Variants in GUCY1A2 observed in about 807,000 individuals in gnomAD.
The protein encoded by GUCY1A2 is guanylate cyclase soluble subunit alpha-2.
Under a neutral mutation model 63.5 loss-of-function variants are expected in GUCY1A2, and 27 were observed. The observed-to-expected ratio is 0.43, with a 90% CI of 0.31 to 0.59. The LOEUF (loss-of-function observed/expected upper bound fraction) is 0.59, where lower values mean the gene tolerates loss of function less well. GUCY1A2 is among the 20% of genes least tolerant of loss of function. The pLI is 0.11. For synonymous variants in GUCY1A2, 364 were observed against 343.5 expected (o/e 1.06, Z -0.66); for missense variants, 768 against 913.3 (o/e 0.84, Z 2.05).
At chr11:106,710,784 T>C (rs1863103561) in intron 6 of GUCY1A2, among the ~76,000 whole-genome samples, 1 of 151,946 alleles carries the variant, frequency 6.6e-6, no homozygotes, top group Non-Finnish European at 1.5e-5. Context: ...GATGATATCC[T>C]TAGTTCTAGG....
chr11:106,904,898 A>AG (rs1860183452), intron 4 of GUCY1A2, among the ~76,000 whole-genome samples: 1 of 152,096 alleles, frequency 6.6e-6, no homozygotes, highest in Non-Finnish European at 1.5e-5. Flanking sequence ...GACTCTTGAA[A>AG]TGACTCCTGC....
intron 5 of GUCY1A2, among the ~76,000 whole-genome samples, chr11:106,792,188 C>G (rs1180947287): frequency 6.6e-6 from 1 of 152,000 alleles, no homozygotes; most frequent in Non-Finnish European, 1.5e-5. Flanking sequence ...GAGTTCGAGA[C>G]CAGCTTGGCC....
intron 3 of GUCY1A2, among the ~76,000 whole-genome samples, chr11:106,974,140 A>G (rs527903867): frequency 1.1e-3 from 160 of 152,168 alleles, no homozygotes; most frequent in African/African-American, 3.6e-3. Context: ...CCTTAATTCC[A>G]ATTCATTCTA....
intron 4 of GUCY1A2, among the ~76,000 whole-genome samples, chr11:106,896,934 A>G (rs938154173): frequency 6.6e-6 from 1 of 152,228 alleles, no homozygotes; most frequent in Non-Finnish European, 1.5e-5. Context: ...GATCACATGA[A>G]TATCTATGTA....
rs541896696 is a variant in GUCY1A2, at chr11:106,688,083, G to A, written c.1992-327C>T. ...TTGTTTTCCCTAAACAAATGCCCAA[G>A]GAAACTTCATAATACAGGTTTTATT... On this transcript the variant is annotated intron_variant, in intron 7 of 7. Transcript: ENST00000526355. Among the ~76,000 whole-genome samples, 89 of 152,238 alleles carry A rather than the reference G, an allele frequency of 5.8e-4. No individual in the cohort carries two copies. In the Middle Eastern group the frequency reaches 0.02, roughly 35 times the overall value.
chr11:106,957,515 T>C (rs1449742479), intron 3 of GUCY1A2, among the ~76,000 whole-genome samples: 1 of 151,852 alleles, frequency 6.6e-6, no homozygotes, highest in Non-Finnish European at 1.5e-5. Context: ...CACCACCGCC[T>C]CCTTTGGCTT....
chr11:106,976,733 CT>C (rs903039778), intron 3 of GUCY1A2, among the ~76,000 whole-genome samples: 1 of 152,024 alleles, frequency 6.6e-6, no homozygotes, highest in African/African-American at 2.4e-5. Flanking sequence ...CCTAGTATCT[CT>C]TTTGTAGAAA....
chr11:106,679,058 T>C lies in GUCY1A2; in HGVS notation c.*8491A>G, dbSNP rs1862390533. Reference sequence around the variant, plus strand: ...GAAAACTTTCAAAAGTCTCTGACATTCTAAGTTTTGGATATGAGTGAGTTG... The same window carrying C: ...GAAAACTTTCAAAAGTCTCTGACATCCTAAGTTTTGGATATGAGTGAGTTG... On this transcript the variant is annotated 3_prime_UTR_variant, in exon 8 of 8. Transcript: ENST00000526355. 1 of 186,974 alleles carries C rather than the reference T, an allele frequency of 5.3e-6. No individual in the cohort carries two copies. Among genetic ancestry groups the C allele is most frequent in the South Asian group, 1.9e-4 (1 of 5,158 alleles). The allele number at this position is 186,974 out of a possible 1,614,324, so 11.6% of individuals were successfully genotyped here. A position where few individuals can be genotyped will look rare whatever the true frequency, so the allele number is the denominator to read the frequency against.
At chr11:106,909,353 A>ATGTGTGTGTGTGTGTGTGTGTGTG (rs1565328453) in intron 4 of GUCY1A2, among the ~76,000 whole-genome samples, 1 of 27,816 alleles carries the variant, frequency 3.6e-5, no homozygotes, top group Non-Finnish European at 7.2e-5. Flanking sequence ...GGTGGTACTC[A>ATGTGTGTGTGTGTGTGTGTGTGTG]TCTGTGTGTG....
At chr11:106,996,119 C>G (rs754580478) in intron 1 of GUCY1A2, among the ~76,000 whole-genome samples, 12 of 152,158 alleles carry the variant, frequency 7.9e-5, no homozygotes, top group Non-Finnish European at 1.5e-4. Context: ...AGAATTTGCT[C>G]CAGTCGCATG....
At chr11:106,827,305 A>G in intron 4 of GUCY1A2, 1 of 1,554,368 alleles carries the variant, frequency 6.4e-7, no homozygotes, top group Non-Finnish European at 8.9e-7. Flanking sequence ...TTCAGCAATG[A>G]GCTTTGAAGT....
At chr11:106,777,118 C>G (rs1591272137) in intron 5 of GUCY1A2, among the ~76,000 whole-genome samples, 1 of 152,198 alleles carries the variant, frequency 6.6e-6, no homozygotes, top group East Asian at 1.9e-4. Context: ...ACTTTATGTA[C>G]ATTGTCTCAT....
intron 1 of GUCY1A2, among the ~76,000 whole-genome samples, chr11:107,001,337 T>G (rs1861609356): frequency 6.6e-6 from 1 of 152,194 alleles, no homozygotes. Flanking sequence ...AATTAGATCA[T>G]GTAGACAGAA....
intron 4 of GUCY1A2, among the ~76,000 whole-genome samples, chr11:106,921,804 ATG>A (rs1460351092): frequency 6.6e-5 from 10 of 152,214 alleles, no homozygotes; most frequent in African/African-American, 7.2e-5. Flanking sequence ...GGTTACCACA[ATG>A]TGTTTGCTTT....
At chr11:106,739,381 A>G (rs1293217736) in intron 6 of GUCY1A2, among the ~76,000 whole-genome samples, 4 of 152,186 alleles carry the variant, frequency 2.6e-5, no homozygotes, top group African/African-American at 9.6e-5. Flanking sequence ...CAGGGAATCA[A>G]CCAAAAAAGG....
intron 4 of GUCY1A2, among the ~76,000 whole-genome samples, chr11:106,860,932 G>T (rs909588199): frequency 6.6e-6 from 1 of 151,990 alleles, no homozygotes; most frequent in East Asian, 1.9e-4. Context: ...TCACAGATAA[G>T]AAAGGGAAAA....
In GUCY1A2 at chr11:106,927,072, C is replaced by A. The variant is rs1020142677; in HGVS notation, c.1206+12388G>T. ...ATGTAAAATCTTTGAAATACATAAT[C>A]CCATAAAATCAAGATTAGAGGCCGG... On this transcript the variant is annotated intron_variant, in intron 4 of 7. Transcript: ENST00000526355. Among the ~76,000 whole-genome samples the A allele has an allele frequency of 3.3e-5, 5 of 151,318 alleles. 1 individual carries two copies. Among genetic ancestry groups the A allele is most frequent in the African/African-American group, 1.2e-4 (5 of 41,228 alleles).
At chr11:106,850,491 TCCCATCTTTCTCTATC>T (rs1859337835) in intron 4 of GUCY1A2, among the ~76,000 whole-genome samples, 1 of 151,768 alleles carries the variant, frequency 6.6e-6, no homozygotes, top group African/African-American at 2.4e-5. Context: ...ACTAACCTCG[TCCCATCTTTCTCTATC>T]CCCTACTCTT....
intron 6 of GUCY1A2, among the ~76,000 whole-genome samples, chr11:106,759,683 C>G (rs1190755397): frequency 6.6e-6 from 1 of 152,200 alleles, no homozygotes; most frequent in Non-Finnish European, 1.5e-5. Flanking sequence ...CCTGTAATCC[C>G]AGCACTTTGG....
Sources: allele counts gnomAD v4.1 joint callset (sites outside exome capture counted in the v4.1 genomes callset), GRCh38; gene constraint gnomAD v4.1.1; transcripts MANE v1.5; gene names NCBI Gene and HGNC (gene_info 2026-07-23, HGNC 2026-07-21).